Variants in PCBP3 observed in about 807,000 individuals in gnomAD.
The protein encoded by PCBP3 is poly(rC)-binding protein 3.
In PCBP3, 25 loss-of-function variants were observed where a neutral mutation model predicts 52.7. The observed-to-expected ratio is 0.47, with a 90% CI of 0.35 to 0.66. The LOEUF is 0.66. PCBP3 is among the 30% of genes least tolerant of loss of function. The pLI is 0.01. For missense variants in PCBP3, 391 were observed against 490.3 expected (o/e 0.80, Z 1.91); for synonymous variants, 162 against 183.0 (o/e 0.89, Z 0.93).
At chr21:45,787,913 G>C (rs1284740850) in intron 4 of PCBP3, among the ~76,000 whole-genome samples, 1 of 152,238 alleles carries the variant, frequency 6.6e-6, no homozygotes, top group Non-Finnish European at 1.5e-5. Context: ...AGGCTTTGAG[G>C]TATAGCTCAG....
At chr21:45,740,748 T>A (rs2086382467) in intron 3 of PCBP3, among the ~76,000 whole-genome samples, 1 of 151,822 alleles carries the variant, frequency 6.6e-6, no homozygotes, top group Admixed American at 6.6e-5. Flanking sequence ...CGTGTGTGTG[T>A]GGAAGGTGTG....
intron 17 of PCBP3, among the ~76,000 whole-genome samples, chr21:45,940,902 G>A (rs1281282915): frequency 2.7e-5 from 4 of 150,484 alleles, no homozygotes. Context: ...CAAGAGCCCT[G>A]AGCTGGGCTT....
intron 14 of PCBP3, among the ~76,000 whole-genome samples, chr21:45,930,567 C>T (rs1438280221): frequency 4.6e-5 from 7 of 152,208 alleles, no homozygotes; most frequent in African/African-American, 1.7e-4. Flanking sequence ...GTGTCCCTCC[C>T]TGCAGAGGCA....
intron 4 of PCBP3, among the ~76,000 whole-genome samples, chr21:45,803,005 C>T (rs1031909258): frequency 6.6e-6 from 1 of 152,212 alleles, no homozygotes; most frequent in African/African-American, 2.4e-5. Flanking sequence ...CTGCATTGTA[C>T]AGTCATAATT....
chr21:45,673,731 G>C (rs187898381), intron 2 of PCBP3: 4 of 152,056 alleles, frequency 2.6e-5, no homozygotes, highest in Admixed American at 6.5e-5. Flanking sequence ...AAGTACTTTC[G>C]GAAGGTAAAT....
At chr21:45,748,943 C>T (rs2087162202) in intron 3 of PCBP3, among the ~76,000 whole-genome samples, 1 of 152,214 alleles carries the variant, frequency 6.6e-6, no homozygotes, top group Non-Finnish European at 1.5e-5. Flanking sequence ...GACTGGGTCT[C>T]CTGACCTGTT....
chr21:45,935,572 A>G (rs1469711176), intron 16 of PCBP3: 2 of 572,086 alleles, frequency 3.5e-6, no homozygotes, highest in Non-Finnish European at 6.6e-6. Context: ...GTCAGATGAG[A>G]GTTGGGCTGA....
At position 45,846,573 on chromosome 21, in the gene PCBP3, A is replaced by T. The variant is rs1316349341; in HGVS notation, c.-125-3388A>T. 2.0e-5 allele frequency among the ~76,000 whole-genome samples: 3 copies of T among 151,634 alleles called. No homozygotes were observed. In the East Asian group the frequency reaches 5.8e-4, roughly 29 times the overall value. ...CATGCTGAGTTATTTTTGACCCCTTACCTTGCCATGGCTGACAGTCATGTG... is the reference window on the plus strand; with the variant it reads ...CATGCTGAGTTATTTTTGACCCCTTTCCTTGCCATGGCTGACAGTCATGTG... On this transcript the variant is annotated intron_variant, in intron 4 of 17. Coordinates refer to ENST00000681687, the MANE Select transcript of PCBP3 (RefSeq NM_001384156.1).
At position 45,817,419 on chromosome 21, in the gene PCBP3, G is replaced by A. The variant is rs1242304069; in HGVS notation, c.-125-32542G>A. 6.6e-6 allele frequency among the ~76,000 whole-genome samples: 1 copy of A among 152,190 alleles called. No individual in the cohort carries two copies. Among genetic ancestry groups the A allele is most frequent in the African/African-American group, 2.4e-5 (1 of 41,426 alleles). ...CTGCCATTCCTCATGGAGTCCTTGC[G>A]TGCACAGCATAGTATTTGGCCAACA... On this transcript the variant is annotated intron_variant, in intron 4 of 17. Coordinates refer to ENST00000681687, the MANE Select transcript of PCBP3 (RefSeq NM_001384156.1). This position sits in a 1 kb window ranked among gnomAD's most constrained non-coding sequence, Gnocchi z 4.3.
At chr21:45,650,545 G>T (rs2079612115) in intron 1 of PCBP3, among the ~76,000 whole-genome samples, 1 of 152,008 alleles carries the variant, frequency 6.6e-6, no homozygotes, top group Non-Finnish European at 1.5e-5. Flanking sequence ...TGAAGTCCTG[G>T]ACTCGAGTGA....
At chr21:45,757,461 T>C (rs1479381400) in intron 4 of PCBP3, among the ~76,000 whole-genome samples, 2 of 152,244 alleles carry the variant, frequency 1.3e-5, no homozygotes, top group African/African-American at 4.8e-5. Context: ...TCAGTTTTCT[T>C]TCATTTAGTA....
intron 1 of PCBP3, among the ~76,000 whole-genome samples, chr21:45,645,921 A>G (rs1440791342): frequency 6.6e-6 from 1 of 152,208 alleles, no homozygotes; most frequent in Non-Finnish European, 1.5e-5. Flanking sequence ...AATTGCCCCA[A>G]CTTAAACATT....
chr21:45,769,251 G>T (rs552214556), intron 4 of PCBP3, among the ~76,000 whole-genome samples: 17 of 152,356 alleles, frequency 1.1e-4, no homozygotes, highest in Middle Eastern at 3.4e-3. Context: ...CTCTCCCATG[G>T]TTATTCTGTT....
chr21:45,796,057 G>A (rs1166201774), intron 4 of PCBP3, among the ~76,000 whole-genome samples: 1 of 152,146 alleles, frequency 6.6e-6, no homozygotes, highest in Non-Finnish European at 1.5e-5. Context: ...GATTGAAAAC[G>A]CCAGTCAGAG....
intron 6 of PCBP3, 68 bp from the exon 7 acceptor site, chr21:45,899,531 T>A (rs2095966308): frequency 7.9e-7 from 1 of 1,264,574 alleles, no homozygotes. Context: ...TTCGGTAGTG[T>A]CTGCCTCCAG....
intron 4 of PCBP3, among the ~76,000 whole-genome samples, chr21:45,784,235 G>C (rs566304784): frequency 6.6e-6 from 1 of 152,126 alleles, no homozygotes; most frequent in East Asian, 1.9e-4. Context: ...TGTTTTGATT[G>C]TAAAGAATAA....
At chr21:45,913,137 A>C (rs564856706) in intron 11 of PCBP3, among the ~76,000 whole-genome samples, 1 of 152,190 alleles carries the variant, frequency 6.6e-6, no homozygotes, top group Non-Finnish European at 1.5e-5. Flanking sequence ...CCCTGGGGAC[A>C]GTTAGACAGG....
chr21:45,901,692 TGA>T (rs1169078056), intron 9 of PCBP3: 21 of 143,022 alleles, frequency 1.5e-4, no homozygotes, highest in South Asian at 4.4e-4. Flanking sequence ...GACAGAGAGA[TGA>T]GAGAGAGAGA....
chr21:45,684,959 C>T (rs1376519990), intron 2 of PCBP3, among the ~76,000 whole-genome samples: 1 of 152,128 alleles, frequency 6.6e-6, no homozygotes, highest in East Asian at 1.9e-4. Context: ...TCTATCTTCC[C>T]CACACCCTGC....
Sources: gnomAD v4.1 joint callset for allele counts (sites outside exome capture counted in the v4.1 genomes callset) on GRCh38, gnomAD v4.1.1 for gene constraint, Gnocchi (gnomAD v3.1) non-coding constraint, MANE v1.5 for transcripts, NCBI Gene and HGNC (gene_info 2026-07-23, HGNC 2026-07-21) for gene names.